Variants in LRFN5 observed in about 807,000 individuals in gnomAD.
LRFN5 encodes leucine rich repeat and fibronectin type III domain containing 5, also known as leucine-rich repeat and fibronectin type-III domain-containing protein 5.
LRFN5 carries 24 observed loss-of-function variants against 45.6 expected under a neutral mutation model. That is an observed-to-expected ratio of 0.53 (90% CI 0.38 to 0.74). The LOEUF (loss-of-function observed/expected upper bound fraction) is 0.74. LRFN5 is among the 30% of genes least tolerant of loss of function. LRFN5 has a pLI of 0.00. For missense variants in LRFN5, 776 were observed against 861.5 expected (o/e 0.90, Z 1.24); for synonymous variants, 340 against 313.8 (o/e 1.08, Z -0.88).
intron 1 of LRFN5, among the ~76,000 whole-genome samples, chr14:41,724,177 T>C (rs909621261): frequency 1.3e-4 from 20 of 152,222 alleles, no homozygotes; most frequent in African/African-American, 4.6e-4. Flanking sequence ...TGGAGTGTCC[T>C]TCATGCTTCC....
chr14:41,697,239 C>T (rs1049921271), intron 1 of LRFN5, among the ~76,000 whole-genome samples: 5 of 151,768 alleles, frequency 3.3e-5, no homozygotes, highest in African/African-American at 1.2e-4. Flanking sequence ...ATTTTTCTAT[C>T]CTTGCTTGAG....
At chr14:41,632,224 A>G (rs1594566466) in intron 1 of LRFN5, among the ~76,000 whole-genome samples, 1 of 152,184 alleles carries the variant, frequency 6.6e-6, no homozygotes, top group South Asian at 2.1e-4. Flanking sequence ...ATTCCTTTTT[A>G]TTATGTTTGT....
intron 2 of LRFN5, among the ~76,000 whole-genome samples, chr14:41,843,762 C>T (rs1888951683): frequency 1.3e-5 from 2 of 152,048 alleles, no homozygotes; most frequent in South Asian, 4.1e-4. Flanking sequence ...AATATATGGT[C>T]CATGTAAGTA....
chr14:41,754,254 G>C (rs1885273273), intron 1 of LRFN5, among the ~76,000 whole-genome samples: 1 of 152,012 alleles, frequency 6.6e-6, no homozygotes, highest in Non-Finnish European at 1.5e-5. Flanking sequence ...GCCAGGCTTT[G>C]GTATCAGGAT....
intron 2 of LRFN5, among the ~76,000 whole-genome samples, chr14:41,828,104 A>C (rs924906915): frequency 6.6e-6 from 1 of 152,060 alleles, no homozygotes; most frequent in African/African-American, 2.4e-5. Context: ...GAAATAGGTC[A>C]GCTTTTTTCA....
chr14:41,752,176 T>C (rs1885163441), intron 1 of LRFN5, among the ~76,000 whole-genome samples: 1 of 152,082 alleles, frequency 6.6e-6, no homozygotes. Context: ...TATGGACATT[T>C]GGGTTGGTTC....
intron 2 of LRFN5, among the ~76,000 whole-genome samples, chr14:41,816,404 G>C (rs549048635): frequency 6.6e-6 from 1 of 151,484 alleles, no homozygotes; most frequent in South Asian, 2.1e-4. Context: ...TGCATTTCTG[G>C]CCTTTATTAT....
intron 1 of LRFN5, among the ~76,000 whole-genome samples, chr14:41,648,096 G>A (rs1163801203): frequency 6.6e-6 from 1 of 152,086 alleles, no homozygotes; most frequent in Non-Finnish European, 1.5e-5. Context: ...TAACATACAA[G>A]CGCCATCAGC....
At chr14:41,757,540 G>A (rs190683025) in intron 1 of LRFN5, among the ~76,000 whole-genome samples, 41 of 152,304 alleles carry the variant, frequency 2.7e-4, no homozygotes, top group African/African-American at 8.2e-4. Flanking sequence ...CTCCGTGGGC[G>A]TAGGACCCTC....
chr14:41,630,299 C>G (rs1165240763), intron 1 of LRFN5, among the ~76,000 whole-genome samples: 1 of 152,046 alleles, frequency 6.6e-6, no homozygotes, highest in Admixed American at 6.6e-5. Context: ...AGGGCAAAGA[C>G]TTTTTTTCAG....
At chr14:41,787,433 A>C (rs907200783) in intron 2 of LRFN5, among the ~76,000 whole-genome samples, 2 of 151,942 alleles carry the variant, frequency 1.3e-5, no homozygotes, top group African/African-American at 4.8e-5. Context: ...GGATAATCTC[A>C]TTGCTACTCT....
intron 2 of LRFN5, among the ~76,000 whole-genome samples, chr14:41,813,609 T>A (rs909125973): frequency 6.6e-6 from 1 of 152,212 alleles, no homozygotes; most frequent in African/African-American, 2.4e-5. Flanking sequence ...ACATTTAAGT[T>A]GGTTCCAAGT....
At chr14:41,687,029 G>C (rs1882152626) in intron 1 of LRFN5, among the ~76,000 whole-genome samples, 1 of 152,144 alleles carries the variant, frequency 6.6e-6, no homozygotes. Context: ...GTTTCAGAAG[G>C]AAAGTTACCA....
At chr14:41,767,238 AT>A (rs376295780) in intron 2 of LRFN5, among the ~76,000 whole-genome samples, 1,790 of 150,922 alleles carry the variant, frequency 0.012, 20 homozygotes, top group Non-Finnish European at 0.016. Flanking sequence ...CTCTATCCTT[AT>A]GGAATTTTCT....
At chr14:41,789,427 G>A (rs775866538) in intron 2 of LRFN5, among the ~76,000 whole-genome samples, 20 of 151,856 alleles carry the variant, frequency 1.3e-4, no homozygotes, top group African/African-American at 4.8e-4. Flanking sequence ...CTCTGATATC[G>A]CTTGATATTC....
At chr14:41,817,823 C>T (rs1396455763) in intron 2 of LRFN5, among the ~76,000 whole-genome samples, 1 of 152,086 alleles carries the variant, frequency 6.6e-6, no homozygotes, top group Non-Finnish European at 1.5e-5. Context: ...GAGTTTTTAA[C>T]TCTCAAACTT....
Position 41,886,636 on chromosome 14 carries a change from T to G in LRFN5, c.11T>G (p.Ile4Ser). MEK[I>S]LFYLFLIGIA... is the part of the protein sequence containing the mutation. The stretch of plus-strand genomic sequence containing the variant: ...TAAACCTGATCTACAATGGAAAAAA[T>G]TCTTTTTTATCTGTTTCTCATTGGC... The change falls in exon 3 of 6, where the codon ATT (isoleucine) becomes AGT (serine). Residue 4 changes from isoleucine (I) to serine (S), a missense_variant. Ile to Ser is a moderately radical substitution (Grantham distance 142). Coordinates refer to ENST00000298119, the MANE Select transcript of LRFN5 (RefSeq NM_152447.5). The G allele has an allele frequency of 6.3e-7, 1 of 1,577,202 alleles. No individual in the cohort carries two copies. The highest frequency in any genetic ancestry group is 1.4e-5 in the African/African-American group (1 of 72,816).
At chr14:41,687,804 T>C (rs1882188389) in intron 1 of LRFN5, among the ~76,000 whole-genome samples, 2 of 152,100 alleles carry the variant, frequency 1.3e-5, no homozygotes, top group South Asian at 4.2e-4. Context: ...CAACACAGTC[T>C]ATGGCCTGCT....
At chr14:41,685,540 A>T (rs978361156) in intron 1 of LRFN5, among the ~76,000 whole-genome samples, 1 of 152,110 alleles carries the variant, frequency 6.6e-6, no homozygotes, top group Non-Finnish European at 1.5e-5. Context: ...ATCTTTGCCC[A>T]TGCTTATGTC....
Sources: allele counts gnomAD v4.1 joint callset (sites outside exome capture counted in the v4.1 genomes callset), GRCh38; gene constraint gnomAD v4.1.1; transcripts MANE v1.5; gene names NCBI Gene and HGNC (gene_info 2026-07-23, HGNC 2026-07-21).